The following CCDC112 variants were observed in gnomAD, a reference collection of about 807,000 sequenced individuals.
CCDC112 encodes the protein coiled-coil domain containing 112, also known as coiled-coil domain-containing protein 112.
In CCDC112, 40 loss-of-function variants were observed where a neutral mutation model predicts 66.3. That is an observed-to-expected ratio of 0.60 (90% CI 0.47 to 0.79). CCDC112 has a LOEUF of 0.79. CCDC112 is among the 30% of genes least tolerant of loss of function. CCDC112 has a pLI of 0.00. For synonymous variants in CCDC112, 214 were observed against 197.2 expected, an observed-to-expected ratio of 1.09 and a Z score of -0.71; for missense variants, 659 against 603.8, an observed-to-expected ratio of 1.09 and a Z score of -0.96.
At chr5:115,295,847 G>A (rs1750130390) in intron 1 of CCDC112, 11 of 974,168 alleles carry the variant, frequency 1.1e-5, no homozygotes, top group Admixed American at 1.2e-4. Flanking sequence ...GCCGCGTAAG[G>A]CGATTCATTT....
In CCDC112 at chr5:115,269,333, T is replaced by C. The variant is rs1376010275; in HGVS notation, c.1429-333A>G. Among the ~76,000 whole-genome samples the C allele has an allele frequency of 2.6e-5, 4 of 152,172 alleles. No individual in the cohort carries two copies. The East Asian group carries it at 7.7e-4, about 29-fold the overall frequency. ...TTTAGGATAAGTAACTACCAATAAGTCTTCCGTTTTATCCATGAGGGTCAC... is the reference window on the plus strand; with the variant it reads ...TTTAGGATAAGTAACTACCAATAAGCCTTCCGTTTTATCCATGAGGGTCAC... On this transcript the variant is annotated intron_variant, in intron 8 of 9. Coordinates refer to ENST00000379611, the MANE Select transcript of CCDC112 (RefSeq NM_001040440.3).
intron 1 of CCDC112, among the ~76,000 whole-genome samples, chr5:115,294,064 T>C (rs1389211984): frequency 1.3e-5 from 2 of 152,192 alleles, no homozygotes; most frequent in African/African-American, 4.8e-5. Context: ...TATGAACAAA[T>C]AATATACAAA....
rs34056787 is a variant in CCDC112 at position 115,275,454 on chromosome 5, C to T, written c.680G>A (p.Ser227Asn). 4.1e-3 allele frequency: 6,581 copies of T among 1,613,968 alleles called. 259 individuals are homozygous for T. In the African/African-American group the frequency reaches 0.078, roughly 19 times the overall value. The change falls in exon 6 of 10, where the codon AGT becomes AAT. Residue 227 changes from serine to asparagine, a missense_variant. Coordinates refer to ENST00000379611, the MANE Select transcript of CCDC112 (RefSeq NM_001040440.3). The stretch of plus-strand genomic sequence containing the variant: ...ATCTAGTACCTCTTCTGGAAGAGTA[C>T]TTGGTGTTACTTTGTCTACAGGAAC... ...SKVPVDKVTPSTLPEEVLDFE... is the reference protein window; with the variant it reads ...SKVPVDKVTPNTLPEEVLDFE...
In CCDC112 at chr5:115,271,419, G is replaced by C. The variant is rs1423661014; in HGVS notation, c.1126C>G (p.Gln376Glu). ...SIEMSMKCASQLKEEEEKEKK... is the reference protein window; with the variant it reads ...SIEMSMKCASELKEEEEKEKK... The stretch of plus-strand genomic sequence containing the variant: ...TCTTTCTCTTCTTCTTCTTTTAACT[G>C]GGAAGCACATTTCATTGACATTTCT... The change falls in exon 7 of 10, where the codon CAG becomes GAG. Residue 376 changes from glutamine (Q) to glutamate (E), a missense_variant. By Grantham distance (29) the Gln-to-Glu change is conservative. Coordinates refer to ENST00000379611, the MANE Select transcript of CCDC112 (RefSeq NM_001040440.3). 1.2e-6 allele frequency: 2 copies of C among 1,608,988 alleles called. No individual in the cohort carries two copies. The highest frequency in any genetic ancestry group is 1.7e-6 in the Non-Finnish European group (2 of 1,178,994).
Position 115,275,428 on chromosome 5 carries a change from A to G in CCDC112, c.706T>C (p.Phe236Leu). The G allele has an allele frequency of 1.2e-6, 2 of 1,613,996 alleles. No homozygotes were observed. Among genetic ancestry groups the G allele is most frequent in the Non-Finnish European group, 1.7e-6 (2 of 1,179,972 alleles). ...PSTLPEEVLD[F>L]EKFLQQTGGR... ...CCTGTTTGCTGAAGGAATTTTTCAAAATCTAGTACCTCTTCTGGAAGAGTA... is the reference window on the plus strand; with the variant it reads ...CCTGTTTGCTGAAGGAATTTTTCAAGATCTAGTACCTCTTCTGGAAGAGTA... Residue 236 changes from phenylalanine (F) to leucine (L), a missense_variant, in exon 6 of 10, where the codon TTT becomes CTT. By Grantham distance (22) the Phe-to-Leu change is conservative. Transcript: ENST00000379611.
At chr5:115,294,046 A>G (rs1444491938) in intron 1 of CCDC112, among the ~76,000 whole-genome samples, 1 of 152,240 alleles carries the variant, frequency 6.6e-6, no homozygotes, top group Non-Finnish European at 1.5e-5. Context: ...GCAATAGCTA[A>G]GAGGGGTTAT....
At chr5:115,284,641 A>G (rs951151714) in intron 2 of CCDC112, 146 bp downstream of exon 2, 2 of 523,448 alleles carry the variant, frequency 3.8e-6, no homozygotes, top group South Asian at 3.9e-5. Flanking sequence ...CATACCTCCC[A>G]TCTTTCTCTT....
At chr5:115,277,604 T>C (rs1284263221) in intron 3 of CCDC112, among the ~76,000 whole-genome samples, 1 of 152,076 alleles carries the variant, frequency 6.6e-6, no homozygotes, top group African/African-American at 2.4e-5. Flanking sequence ...TCAGGTATCA[T>C]TCAGTGGTAT....
At chr5:115,283,786 A>C (rs1334975150) in intron 2 of CCDC112, among the ~76,000 whole-genome samples, 2 of 152,108 alleles carry the variant, frequency 1.3e-5, no homozygotes, top group Non-Finnish European at 1.5e-5. Context: ...ACCATTCCTT[A>C]TAATAGGCTC....
At chr5:115,268,230 A>G (rs1748834219) in intron 9 of CCDC112, among the ~76,000 whole-genome samples, 1 of 152,224 alleles carries the variant, frequency 6.6e-6, no homozygotes, top group Non-Finnish European at 1.5e-5. Context: ...AATGGCATCT[A>G]CTAACATGAA....
At position 115,295,768 on chromosome 5, in the gene CCDC112, AGTATG is replaced by A. The variant is rs1316744128; in HGVS notation, c.117+654_117+658del. 6 of 369,844 alleles carry A rather than the reference AGTATG, an allele frequency of 1.6e-5. No individual in the cohort carries two copies. In the Admixed American group the frequency reaches 3.2e-4, roughly 20 times the overall value. The allele number at this position is 369,844 out of a possible 1,614,324, so 22.9% of individuals were successfully genotyped here. On this transcript the variant is annotated intron_variant, in intron 1 of 9. Transcript: ENST00000379611. ...GGAGAAACATAAACAATAGAAATAA[AGTATG>A]TAATATAATATATGGTACTAAGTGC...
chr5:115,293,131 G>A (rs1220170220), intron 1 of CCDC112, among the ~76,000 whole-genome samples: 1 of 152,198 alleles, frequency 6.6e-6, no homozygotes, highest in Non-Finnish European at 1.5e-5. Context: ...TAAACTGCAC[G>A]TGGAATCTAA....
intron 2 of CCDC112, among the ~76,000 whole-genome samples, chr5:115,284,171 C>A (rs1749574216): frequency 6.6e-6 from 1 of 151,806 alleles, no homozygotes. Flanking sequence ...AGTGAGATCA[C>A]ACCCACATAT....
chr5:115,270,966 T>G (rs1748969222), intron 7 of CCDC112, among the ~76,000 whole-genome samples: 1 of 152,156 alleles, frequency 6.6e-6, no homozygotes, highest in African/African-American at 2.4e-5. Context: ...TACTCCCTCC[T>G]AAGTACTATG....
chr5:115,285,184 T>C (rs887250590), intron 1 of CCDC112, among the ~76,000 whole-genome samples: 3 of 152,178 alleles, frequency 2.0e-5, no homozygotes, highest in African/African-American at 7.2e-5. Context: ...TTAACAAATA[T>C]GTATTGAACA....
Position 115,275,383 on chromosome 5 carries a change from C to A in CCDC112, c.751G>T (p.Asp251Tyr), listed in dbSNP as rs753812994. 1 of 1,614,010 alleles carries A rather than the reference C, an allele frequency of 6.2e-7. No homozygotes were observed. The change falls in exon 6 of 10, where the codon GAT (aspartate) becomes TAT (tyrosine). Residue 251 changes from aspartate (D) to tyrosine (Y), a missense_variant. By Grantham distance (160) the Asp-to-Tyr change is radical. Coordinates refer to ENST00000379611, the MANE Select transcript of CCDC112 (RefSeq NM_001040440.3). ...ACAAAGTTCTGGTGATCATAATCAT[C>A]CCAGGCACCTTGTCGCCCTCCTGTT... is the stretch of plus-strand genomic sequence containing the variant. ...QQTGGRQGAW[D>Y]DYDHQNFVKV... is the part of the protein sequence containing the mutation.
intron 1 of CCDC112, among the ~76,000 whole-genome samples, chr5:115,292,841 A>C (rs1010191358): frequency 3.9e-5 from 6 of 152,328 alleles, no homozygotes; most frequent in African/African-American, 1.4e-4. Context: ...ATGCTGAAGC[A>C]TACCTCCTAC....
Position 115,269,001 on chromosome 5 carries a change from C to T in CCDC112, c.1429-1G>A. ...GATCTCTACTAACATTGTTTTCAACCTGTAATCAGAAGTAAAATAGTACCA... is the reference window on the plus strand; with the variant it reads ...GATCTCTACTAACATTGTTTTCAACTTGTAATCAGAAGTAAAATAGTACCA... On this transcript the variant is annotated splice_acceptor_variant, in intron 8 of 9. Transcript: ENST00000379611. LOFTEE classifies it high-confidence loss of function. 1 of 1,554,432 alleles carries T rather than the reference C, an allele frequency of 6.4e-7. No homozygotes were observed. The highest frequency in any genetic ancestry group is 8.8e-7 in the Non-Finnish European group (1 of 1,141,002).
At chr5:115,296,306 G>A in intron 1 of CCDC112, 121 bp downstream of exon 1, 1 of 1,341,688 alleles carries the variant, frequency 7.5e-7, no homozygotes, top group Non-Finnish European at 9.5e-7. Context: ...GCGCGTGCCA[G>A]GCCCCGAGCA....
Sources: allele counts gnomAD v4.1 joint callset (sites outside exome capture counted in the v4.1 genomes callset), GRCh38; gene constraint gnomAD v4.1.1; transcripts MANE v1.5; gene names NCBI Gene and HGNC (gene_info 2026-07-23, HGNC 2026-07-21).